Variants in ADGRB3 observed in about 807,000 individuals in gnomAD.
The protein encoded by ADGRB3 is brain-specific angiogenesis inhibitor 3.
A neutral mutation model predicts 193.4 loss-of-function variants in ADGRB3; 37 were observed. The observed-to-expected ratio is 0.19, with a 90% CI of 0.15 to 0.25. The LOEUF is 0.25. ADGRB3 is among the 10% of genes least tolerant of loss of function. The pLI is 1.00. For synonymous variants in ADGRB3, 690 were observed against 644.2 expected (o/e 1.07, Z -1.08); for missense variants, 1,637 against 1,852.9 (o/e 0.88, Z 2.14).
intron 26 of ADGRB3, among the ~76,000 whole-genome samples, chr6:69,346,752 G>A (rs1252918128): frequency 3.9e-5 from 6 of 152,176 alleles, no homozygotes; most frequent in African/African-American, 1.4e-4. Flanking sequence ...TACACTGTTG[G>A]TGGGAGTGTA....
chr6:68,754,556 G>C (rs77915095), intron 3 of ADGRB3, among the ~76,000 whole-genome samples: 1 of 152,088 alleles, frequency 6.6e-6, no homozygotes, highest in African/African-American at 2.4e-5. Context: ...GCACCTGATA[G>C]GTGGTCAGTA....
chr6:68,799,453 C>T (rs1467672809), intron 3 of ADGRB3, among the ~76,000 whole-genome samples: 3 of 152,086 alleles, frequency 2.0e-5, no homozygotes, highest in Non-Finnish European at 4.4e-5. Context: ...TTACTATATT[C>T]CAATTTTTTT....
In ADGRB3 at chr6:69,127,085, C is replaced by T. The variant is rs114443891; in HGVS notation, c.2480+51047C>T. ...AGCAAAAGTGAGATGTTAGACTTCCCTGTTCCCACCATGGGGATATGTGTT... is the reference window on the plus strand; with the variant it reads ...AGCAAAAGTGAGATGTTAGACTTCCTTGTTCCCACCATGGGGATATGTGTT... On this transcript the variant is annotated intron_variant, in intron 17 of 31. Coordinates refer to ENST00000370598, the MANE Select transcript of ADGRB3 (RefSeq NM_001704.3). 2.7e-3 allele frequency among the ~76,000 whole-genome samples: 415 copies of T among 152,276 alleles called. 1 individual carries two copies. Among genetic ancestry groups the T allele is most frequent in the African/African-American group, 9.8e-3 (409 of 41,554 alleles).
chr6:68,639,472 T>C (rs1310546856), intron 3 of ADGRB3, 40 bp downstream of exon 3: 6 of 1,528,100 alleles, frequency 3.9e-6, no homozygotes, highest in Non-Finnish European at 5.2e-6. Flanking sequence ...GGGGGAGCAC[T>C]TTTGGGGGAT....
intron 20 of ADGRB3, among the ~76,000 whole-genome samples, chr6:69,292,348 A>G (rs1011213779): frequency 3.9e-5 from 6 of 152,152 alleles, no homozygotes; most frequent in African/African-American, 1.2e-4. Context: ...ATTACCCCCC[A>G]GGTCATCCCA....
intron 3 of ADGRB3, among the ~76,000 whole-genome samples, chr6:68,643,707 G>C (rs1343487988): frequency 1.3e-5 from 2 of 151,568 alleles, no homozygotes; most frequent in African/African-American, 2.4e-5. Context: ...GCCGAAGCGG[G>C]TGGACCATGA....
chr6:69,328,018 G>T lies in ADGRB3; in HGVS notation c.3035+129G>T, dbSNP rs928347779. The T allele has an allele frequency of 1.5e-5, 10 of 664,692 alleles. No individual in the cohort carries two copies. In the East Asian group the frequency reaches 3.1e-4, roughly 20 times the overall value. 41.2% of individuals were successfully genotyped at this position (664,692 alleles called of 1,614,324 possible). A position where few individuals can be genotyped will look rare whatever the true frequency, so the allele number is the denominator to read the frequency against. ...CAATGGTAGAAATTGCATTAGTAAG[G>T]AACAAAACAAGGTAGCTTAAATCTA... On this transcript the variant is annotated intron_variant, in intron 22 of 31. Transcript: ENST00000370598.
At chr6:68,810,125 T>C (rs1020003437) in intron 3 of ADGRB3, among the ~76,000 whole-genome samples, 1 of 152,194 alleles carries the variant, frequency 6.6e-6, no homozygotes, top group Non-Finnish European at 1.5e-5. Context: ...GCTGCCTTTG[T>C]TATTATATAT....
intron 3 of ADGRB3, among the ~76,000 whole-genome samples, chr6:68,740,240 C>A (rs1765953259): frequency 6.6e-6 from 1 of 152,158 alleles, no homozygotes; most frequent in African/African-American, 2.4e-5. Flanking sequence ...GCAGGCTTTT[C>A]AAAGACCTCT....
intron 3 of ADGRB3, among the ~76,000 whole-genome samples, chr6:68,655,810 G>C (rs143222463): frequency 1.3e-5 from 2 of 151,650 alleles, no homozygotes; most frequent in Admixed American, 6.6e-5. Flanking sequence ...TGAAGACCAG[G>C]ATATACCAAC....
intron 17 of ADGRB3, among the ~76,000 whole-genome samples, chr6:69,122,993 C>CGTGTGTGT (rs150375798): frequency 0.01 from 1,502 of 148,696 alleles, 25 homozygotes; most frequent in African/African-American, 0.02. Context: ...TATACACATA[C>CGTGTGTGT]GTGTGAGTGT....
At chr6:68,698,662 A>G (rs564046068) in intron 3 of ADGRB3, among the ~76,000 whole-genome samples, 3 of 152,160 alleles carry the variant, frequency 2.0e-5, no homozygotes, top group African/African-American at 4.8e-5. Context: ...TGAACCTGGT[A>G]ATTTAAAGAG....
At chr6:68,845,618 C>T (rs138492759) in intron 3 of ADGRB3, among the ~76,000 whole-genome samples, 4 of 152,236 alleles carry the variant, frequency 2.6e-5, no homozygotes, top group East Asian at 1.9e-4. Context: ...ATAAGTGTCA[C>T]GAGATCTGAT....
chr6:68,757,814 G>T (rs1246172441), intron 3 of ADGRB3, among the ~76,000 whole-genome samples: 1 of 152,008 alleles, frequency 6.6e-6, no homozygotes, highest in Non-Finnish European at 1.5e-5. Flanking sequence ...TCAGCCCCTT[G>T]CAGCCTGGCT....
chr6:69,097,102 A>ATATT (rs1321488207), intron 17 of ADGRB3, among the ~76,000 whole-genome samples: 1 of 152,238 alleles, frequency 6.6e-6, no homozygotes, highest in East Asian at 1.9e-4. Flanking sequence ...TGAGAACTAA[A>ATATT]TACTACAGTC....
chr6:69,188,220 TA>T (rs762410162), intron 17 of ADGRB3, among the ~76,000 whole-genome samples: 11 of 152,162 alleles, frequency 7.2e-5, no homozygotes, highest in Non-Finnish European at 1.3e-4. Flanking sequence ...TTTACCCTGA[TA>T]GGGAAAAGGA....
chr6:69,303,752 C>T (rs1282346465), intron 20 of ADGRB3, among the ~76,000 whole-genome samples: 1 of 151,898 alleles, frequency 6.6e-6, no homozygotes, highest in Non-Finnish European at 1.5e-5. Context: ...GTGCATAAAA[C>T]TGACCTATCT....
At chr6:68,740,282 G>T (rs1036901072) in intron 3 of ADGRB3, among the ~76,000 whole-genome samples, 1 of 152,172 alleles carries the variant, frequency 6.6e-6, no homozygotes, top group East Asian at 1.9e-4. Flanking sequence ...GATAAGTCTG[G>T]GCGTGGTGGC....
chr6:68,758,156 C>G (rs1766331788), intron 3 of ADGRB3, among the ~76,000 whole-genome samples: 1 of 152,070 alleles, frequency 6.6e-6, no homozygotes, highest in Non-Finnish European at 1.5e-5. Flanking sequence ...AAATTCTCCT[C>G]ACAAATTTGC....
Sources: allele counts gnomAD v4.1 joint callset (sites outside exome capture counted in the v4.1 genomes callset), GRCh38; gene constraint gnomAD v4.1.1; transcripts MANE v1.5; gene names NCBI Gene and HGNC (gene_info 2026-07-23, HGNC 2026-07-21).